CDYL2: variants seen among roughly 807,000 people sequenced by gnomAD.
CDYL2 encodes the protein chromodomain Y-like protein 2.
Under a neutral mutation model 49.4 loss-of-function variants are expected in CDYL2, and 23 were observed. That is an observed-to-expected ratio of 0.47 (90% CI 0.34 to 0.66). The LOEUF (loss-of-function observed/expected upper bound fraction) is 0.66. Ranked by LOEUF, CDYL2 falls within the 30% of genes least tolerant of loss-of-function variation. The pLI, the probability that CDYL2 is intolerant of heterozygous loss-of-function variation, is 0.01. For missense variants in CDYL2, 678 were observed against 656.4 expected, an observed-to-expected ratio of 1.03 and a Z score of -0.36; for synonymous variants, 360 against 268.8, an observed-to-expected ratio of 1.34 and a Z score of -3.32.
rs1053366062 is a variant in CDYL2, at chr16:80,801,871, T to C, written c.24+2279A>G. On this transcript the variant is annotated intron_variant, in intron 1 of 6. Transcript: ENST00000570137. ...ACAATAAATTAAATTTCTCAGTATATGTTATGTAATGTAGACACAGGCTAT... is the reference window on the plus strand; with the variant it reads ...ACAATAAATTAAATTTCTCAGTATACGTTATGTAATGTAGACACAGGCTAT... Among the ~76,000 whole-genome samples the C allele has an allele frequency of 4.6e-5, 7 of 152,362 alleles. No homozygotes were observed. The South Asian group carries it at 6.2e-4, about 14-fold the overall frequency.
chr16:80,648,516 C>A (rs755827098), intron 2 of CDYL2, among the ~76,000 whole-genome samples: 1 of 151,850 alleles, frequency 6.6e-6, no homozygotes, highest in Non-Finnish European at 1.5e-5. Context: ...AAAAAGTCTC[C>A]CAGTAAAGAA....
chr16:80,687,502 A>C (rs1188244104), intron 1 of CDYL2, among the ~76,000 whole-genome samples: 1 of 151,906 alleles, frequency 6.6e-6, no homozygotes, highest in Non-Finnish European at 1.5e-5. Context: ...GGATAGATGG[A>C]TGGTAGGATG....
chr16:80,655,536 T>C (rs918225802), intron 2 of CDYL2, among the ~76,000 whole-genome samples: 3 of 152,288 alleles, frequency 2.0e-5, no homozygotes, highest in Non-Finnish European at 2.9e-5. Context: ...CCAAATCTCA[T>C]GGTCTTTCCA....
At chr16:80,637,490 C>A (rs1420256445) in intron 2 of CDYL2, among the ~76,000 whole-genome samples, 3 of 151,892 alleles carry the variant, frequency 2.0e-5, no homozygotes, top group East Asian at 3.9e-4. Flanking sequence ...CAAGACTTGT[C>A]TACATAGAAA....
Position 80,685,052 on chromosome 16 carries a change from G to A in CDYL2, c.102C>T (p.Ser34=), listed in dbSNP as rs1415579451. Reference sequence around the variant, plus strand: ...GCTCCGGCTCCCACGTGTCCTCGGTGCTCCCGTAGCCTTTCCATCGGATAA... The same window carrying A: ...GCTCCGGCTCCCACGTGTCCTCGGTACTCCCGTAGCCTTTCCATCGGATAA... ...EYLIRWKGYG[S]TEDTWEPEHH... The change falls in exon 2 of 7, where the codon AGC becomes AGT. Residue 34 remains serine, a synonymous_variant. Transcript: ENST00000570137. The A allele has an allele frequency of 1.9e-6, 3 of 1,614,160 alleles. No individual in the cohort carries two copies. The highest frequency in any genetic ancestry group is 2.5e-6 in the Non-Finnish European group (3 of 1,180,030).
intron 1 of CDYL2, among the ~76,000 whole-genome samples, chr16:80,693,393 G>C (rs990675586): frequency 3.9e-5 from 6 of 152,028 alleles, no homozygotes; most frequent in Admixed American, 2.6e-4. Flanking sequence ...TATTGCAAAA[G>C]AAATTGTAAT....
At chr16:80,746,011 C>G (rs2142557357) in intron 1 of CDYL2, among the ~76,000 whole-genome samples, 1 of 152,314 alleles carries the variant, frequency 6.6e-6, no homozygotes, top group South Asian at 2.1e-4. Context: ...GAAGGTAAAG[C>G]TCGCACTTGT....
Position 80,708,401 on chromosome 16 carries a change from C to T in CDYL2, c.25-23272G>A, listed in dbSNP as rs1018178063. Among the ~76,000 whole-genome samples the T allele has an allele frequency of 2.0e-5, 3 of 152,284 alleles. No individual in the cohort carries two copies. In the East Asian group the frequency reaches 5.8e-4, roughly 29 times the overall value. On this transcript the variant is annotated intron_variant, in intron 1 of 6. Coordinates refer to ENST00000570137, the MANE Select transcript of CDYL2 (RefSeq NM_152342.4). ...TTGCCTACCCCCATGTAAGACGTGA[C>T]TTTGCTCCTCCTTGCCTTCTGCCAT... is the stretch of plus-strand genomic sequence containing the variant.
intron 1 of CDYL2, among the ~76,000 whole-genome samples, chr16:80,762,046 C>T (rs917112731): frequency 2.0e-5 from 3 of 151,722 alleles, no homozygotes; most frequent in Non-Finnish European, 2.9e-5. Flanking sequence ...ATTAGCCAGG[C>T]ATAGTGGTAC....
chr16:80,770,205 A>G (rs868241518), intron 1 of CDYL2, among the ~76,000 whole-genome samples: 3 of 152,234 alleles, frequency 2.0e-5, no homozygotes, highest in Non-Finnish European at 2.9e-5. Context: ...TTAATAAAGT[A>G]ATAATCAATC....
chr16:80,649,927 A>T (rs72806130), intron 2 of CDYL2, among the ~76,000 whole-genome samples: 4,356 of 149,362 alleles, frequency 0.029, 82 homozygotes, highest in Middle Eastern at 0.041. Flanking sequence ...GAAGAATGAA[A>T]CTAGGCCCCT....
rs536737365 is a variant in CDYL2, at chr16:80,758,732, C to T, written c.24+45418G>A. ...TAATTTTTTGTATTTTTAGTAGAGA[C>T]AGGGTTTCACCGTGTTAGCCAGGAT... On this transcript the variant is annotated intron_variant, in intron 1 of 6. Coordinates refer to ENST00000570137, the MANE Select transcript of CDYL2 (RefSeq NM_152342.4). 4.0e-3 allele frequency among the ~76,000 whole-genome samples: 603 copies of T among 151,880 alleles called. 6 individuals carry two copies. The highest frequency in any genetic ancestry group is 0.013 in the African/African-American group (558 of 41,402).
intron 1 of CDYL2, among the ~76,000 whole-genome samples, chr16:80,772,652 C>T (rs939120054): frequency 2.4e-4 from 36 of 152,072 alleles, no homozygotes; most frequent in Non-Finnish European, 4.9e-4. Context: ...GGGGTTTCAC[C>T]GTGTTAGCCA....
chr16:80,608,731 C>G (rs1313516922), intron 5 of CDYL2, among the ~76,000 whole-genome samples: 2 of 152,080 alleles, frequency 1.3e-5, no homozygotes, highest in Non-Finnish European at 2.9e-5. Flanking sequence ...GCCCAAGGAC[C>G]ATCCATGGCT....
chr16:80,747,696 G>A (rs1419142959), intron 1 of CDYL2, among the ~76,000 whole-genome samples: 2 of 152,118 alleles, frequency 1.3e-5, no homozygotes, highest in African/African-American at 2.4e-5. Context: ...AAGAGTCACA[G>A]CCACAACCAA....
chr16:80,641,609 A>G (rs908844658), intron 2 of CDYL2, among the ~76,000 whole-genome samples: 3 of 152,088 alleles, frequency 2.0e-5, no homozygotes, highest in African/African-American at 7.2e-5. Context: ...GACATGCATG[A>G]AACTGGAAAC....
At chr16:80,804,713 G>A (rs938026610), upstream of CDYL2, among the ~76,000 whole-genome samples, 2 of 148,720 alleles carry the variant, frequency 1.3e-5, no homozygotes, top group East Asian at 4.0e-4. Context: ...GCTCGGGCCC[G>A]CCCCGCCACC....
At chr16:80,622,350 G>T (rs957091605) in intron 3 of CDYL2, among the ~76,000 whole-genome samples, 1 of 152,146 alleles carries the variant, frequency 6.6e-6, no homozygotes, top group East Asian at 1.9e-4. Flanking sequence ...CACCCCTTGT[G>T]GGGTTGCCCA....
At chr16:80,638,355 G>A (rs1339134309) in intron 2 of CDYL2, among the ~76,000 whole-genome samples, 2 of 152,092 alleles carry the variant, frequency 1.3e-5, no homozygotes, top group Non-Finnish European at 2.9e-5. Context: ...GATTATAGGC[G>A]TGTGCCACCA....
Sources: allele counts gnomAD v4.1 joint callset (sites outside exome capture counted in the v4.1 genomes callset), GRCh38; gene constraint gnomAD v4.1.1; transcripts MANE v1.5; gene names NCBI Gene and HGNC (gene_info 2026-07-23, HGNC 2026-07-21).